The following PLD4 variants were observed in gnomAD, a reference collection of about 807,000 sequenced individuals.
PLD4 encodes the protein 5'-3' exonuclease PLD4.
In PLD4, 54 loss-of-function variants were observed where a neutral mutation model predicts 52.3. The observed-to-expected ratio is 1.03, with a 90% CI of 0.83 to 1.30. The LOEUF is 1.30. Among genes scored for constraint, PLD4 ranks in the 50% most tolerant of loss-of-function variants. PLD4 has a pLI of 0.00. For missense variants in PLD4, 731 were observed against 671.1 expected (o/e 1.09, Z -0.99); for synonymous variants, 264 against 286.5 (o/e 0.92, Z 0.79).
intron 1 of PLD4, 136 bp from the exon 2 acceptor site, chr14:104,927,005 G>A (rs1437002989): frequency 2.0e-5 from 14 of 706,838 alleles, no homozygotes; most frequent in South Asian, 7.6e-5. Context: ...GCGTGACCTC[G>A]GGCATGAGTG....
chr14:104,930,243 C>T, intron 6 of PLD4, 138 bp downstream of exon 6: 1 of 1,175,550 alleles, frequency 8.5e-7, no homozygotes, highest in Non-Finnish European at 1.2e-6. Flanking sequence ...GTAGAAACAA[C>T]CGGAGACTGG....
intron 3 of PLD4, 63 bp downstream of exon 3, chr14:104,927,929 T>C: frequency 6.9e-7 from 1 of 1,449,008 alleles, no homozygotes; most frequent in Non-Finnish European, 9.1e-7. Context: ...CCTGTGTTTC[T>C]GCCCTTGGAT....
At position 104,932,422 on chromosome 14, in the gene PLD4, CT is replaced by C. The variant is rs1897687140; in HGVS notation, c.1321+70del. Reference sequence around the variant, plus strand: ...CAGGCACGGGCGAGGGAGGCACTGGCTTTGTGACCGGCGTGGACACCTCAGG... The same window carrying C: ...CAGGCACGGGCGAGGGAGGCACTGGCTTGTGACCGGCGTGGACACCTCAGG... On this transcript the variant is annotated intron_variant, in intron 10 of 10. Transcript: ENST00000392593. This position sits in a 1 kb window ranked among gnomAD's most constrained non-coding sequence, Gnocchi z 6.5. 1 of 1,530,774 alleles carries C rather than the reference CT, an allele frequency of 6.5e-7. No individual in the cohort carries two copies. Among genetic ancestry groups the C allele is most frequent in the Admixed American group, 1.7e-5 (1 of 59,332 alleles). The allele number at this position is 1,530,774 out of a possible 1,614,324, so 94.8% of individuals were successfully genotyped here.
At position 104,929,010 on chromosome 14, in the gene PLD4, C is replaced by T. The variant is rs527713664; in HGVS notation, c.468+78C>T. The T allele has an allele frequency of 2.5e-5, 38 of 1,495,430 alleles. No individual in the cohort carries two copies. In the African/African-American group the frequency reaches 2.9e-4, roughly 11 times the overall value. 92.6% of individuals were successfully genotyped at this position (1,495,430 alleles called of 1,614,324 possible). A position where few individuals can be genotyped will look rare whatever the true frequency, so the allele number is the denominator to read the frequency against. ...AGGCTGCCTATCTATGCAGGCGTCT[C>T]GGGCACCAGGCCCGGGGGCTCAGCT... On this transcript the variant is annotated intron_variant, in intron 4 of 10. Transcript: ENST00000392593.
intron 1 of PLD4, among the ~76,000 whole-genome samples, chr14:104,926,493 C>A (rs1347536199): frequency 2.0e-5 from 3 of 152,264 alleles, no homozygotes; most frequent in East Asian, 1.9e-4. Flanking sequence ...CAGAGGACAA[C>A]CCCCTCTGCC....
rs763883111 is a variant in PLD4 at position 104,932,063 on chromosome 14, C to T, written c.1110C>T (p.Gly370=). Reference sequence around the variant, plus strand: ...TGCGGGCGGCAGCCTTCGGCAAGGGCGTGCGCGTGCGCCTGCTGGTCGGCT... The same window carrying T: ...TGCGGGCGGCAGCCTTCGGCAAGGGTGTGCGCGTGCGCCTGCTGGTCGGCT... ...NALRAAAFGK[G]VRVRLLVGCG... is the part of the protein sequence containing the mutation. The change falls in exon 9 of 11, where the codon GGC becomes GGT. Residue 370 remains glycine (G), a synonymous_variant. Coordinates refer to ENST00000392593, the MANE Select transcript of PLD4 (RefSeq NM_138790.5). This position sits in a 1 kb window ranked among gnomAD's most constrained non-coding sequence, Gnocchi z 6.5. 1.2e-6 allele frequency: 2 copies of T among 1,608,248 alleles called. No homozygotes were observed.
At chr14:104,929,109 G>T in intron 4 of PLD4, 177 bp downstream of exon 4, 1 of 1,185,848 alleles carries the variant, frequency 8.4e-7, no homozygotes. Flanking sequence ...GTGTCAAGGA[G>T]CTGGGCCTCT....
At position 104,932,232 on chromosome 14, in the gene PLD4, C is replaced by T; in HGVS notation, c.1225-27C>T. The T allele has an allele frequency of 1.2e-6, 2 of 1,612,576 alleles. No individual in the cohort carries two copies. Among genetic ancestry groups the T allele is most frequent in the Non-Finnish European group, 1.7e-6 (2 of 1,179,756 alleles). Reference sequence around the variant, plus strand: ...AAAGGCGGCCCTCCTGCCGCCCTTCCTGACGCGCTGCCTCTGCTCCCCTAA... The same window carrying T: ...AAAGGCGGCCCTCCTGCCGCCCTTCTTGACGCGCTGCCTCTGCTCCCCTAA... On this transcript the variant is annotated intron_variant, in intron 9 of 10. Coordinates refer to ENST00000392593, the MANE Select transcript of PLD4 (RefSeq NM_138790.5). The surrounding 1 kb of genome is among the most constrained non-coding windows in gnomAD (Gnocchi z 6.5).
chr14:104,933,083 G>T lies in PLD4; in HGVS notation c.*119G>T. The T allele has an allele frequency of 8.3e-7, 1 of 1,200,810 alleles. No homozygotes were observed. The highest frequency in any genetic ancestry group is 1.7e-5 in the South Asian group (1 of 58,068). The allele number at this position is 1,200,810 out of a possible 1,614,324, so 74.4% of individuals were successfully genotyped here. A position where few individuals can be genotyped will look rare whatever the true frequency, so the allele number is the denominator to read the frequency against. On this transcript the variant is annotated 3_prime_UTR_variant, in exon 11 of 11. Coordinates refer to ENST00000392593, the MANE Select transcript of PLD4 (RefSeq NM_138790.5). ...CCGGGTCCGCACTGCGCCAGGAGCCGCCTGCGACCGCCCGGGCGTCGCAAA... is the reference window on the plus strand; with the variant it reads ...CCGGGTCCGCACTGCGCCAGGAGCCTCCTGCGACCGCCCGGGCGTCGCAAA...
chr14:104,930,744 G>A lies in PLD4; in HGVS notation c.720G>A (p.Val240=), dbSNP rs1897614625. 1.2e-6 allele frequency: 2 copies of A among 1,613,068 alleles called. No homozygotes were observed. The highest frequency in any genetic ancestry group is 3.3e-5 in the Admixed American group (2 of 60,012). The change falls in exon 7 of 11, where the codon GTG becomes GTA. Residue 240 remains valine, a splice_region_variant and synonymous_variant. Coordinates refer to ENST00000392593, the MANE Select transcript of PLD4 (RefSeq NM_138790.5). ...GCGCCTGACTTTGGTCCCTGCAGGT[G>A]AAGGAGCTTGGCGCTGTCATCTATA... is the stretch of plus-strand genomic sequence containing the variant. ...ANMDWRSLTQ[V]KELGAVIYNC...
In PLD4 at chr14:104,930,903, C is replaced by T. The variant is rs893890900; in HGVS notation, c.879C>T (p.His293=). ...SSHFNRFQPF[H]GLFDGVPTTA... is the part of the protein sequence containing the mutation. ...ACTTCAACCGTTTCCAGCCCTTCCA[C>T]GGCCTCTTTGATGGGGTGCCCACCA... Residue 293 remains histidine (H), a synonymous_variant, in exon 7 of 11, where the codon CAC becomes CAT. Transcript: ENST00000392593. The T allele has an allele frequency of 8.7e-6, 14 of 1,613,390 alleles. No individual in the cohort carries two copies. Among genetic ancestry groups the T allele is most frequent in the East Asian group, 4.5e-5 (2 of 44,902 alleles).
chr14:104,926,497 C>G (rs1241579483), intron 1 of PLD4, among the ~76,000 whole-genome samples: 1 of 152,182 alleles, frequency 6.6e-6, no homozygotes, highest in Non-Finnish European at 1.5e-5. Context: ...GGACAACCCC[C>G]TCTGCCAGCA....
rs749199589 is a variant in PLD4 at position 104,932,192 on chromosome 14, C to T, written c.1224+15C>T. On this transcript the variant is annotated intron_variant, in intron 9 of 10. Transcript: ENST00000392593. The surrounding 1 kb of genome is among the most constrained non-coding windows in gnomAD (Gnocchi z 6.5). ...CTGTGGACGTGGTGAGGGCGTGCTC[C>T]CGGCCGGGCGTGGGAAAGGCGGCCC... is the stretch of plus-strand genomic sequence containing the variant. The T allele has an allele frequency of 1.9e-6, 3 of 1,611,874 alleles. No homozygotes were observed. The highest frequency in any genetic ancestry group is 2.2e-5 in the East Asian group (1 of 44,868).
At chr14:104,934,954 G>C (rs1036780513), downstream of PLD4, 2 of 152,260 alleles carry the variant, frequency 1.3e-5, no homozygotes, top group African/African-American at 4.8e-5. Flanking sequence ...CAGGGGGATA[G>C]GGATCCACAT....
At chr14:104,935,688 C>T (rs1318288283), downstream of PLD4, 1 of 152,220 alleles carries the variant, frequency 6.6e-6, no homozygotes, top group Non-Finnish European at 1.5e-5. Context: ...AGCAGTCTAT[C>T]CCTTGCTAGC....
intron 6 of PLD4, among the ~76,000 whole-genome samples, 161 bp downstream of exon 6, chr14:104,930,266 T>C (rs561233587): frequency 1.2e-4 from 18 of 152,322 alleles, no homozygotes; most frequent in Non-Finnish European, 2.4e-4. Context: ...TAATAAATGA[T>C]AGAATTCTAC....
intron 6 of PLD4, 27 bp downstream of exon 6, chr14:104,930,132 G>T (rs369734007): frequency 1.2e-6 from 2 of 1,611,508 alleles, no homozygotes. Context: ...TAACACAGGA[G>T]GCCTGCCTGA....
Position 104,933,073 on chromosome 14 carries a change from G to A in PLD4, c.*109G>A, listed in dbSNP as rs922284440. 9.5e-6 allele frequency: 12 copies of A among 1,268,474 alleles called. No homozygotes were observed. Among genetic ancestry groups the A allele is most frequent in the Non-Finnish European group, 1.2e-5 (12 of 964,806 alleles). 78.6% of individuals were successfully genotyped at this position (1,268,474 alleles called of 1,614,324 possible). ...CGCAAGCAGCCCGGGTCCGCACTGCGCCAGGAGCCGCCTGCGACCGCCCGG... is the reference window on the plus strand; with the variant it reads ...CGCAAGCAGCCCGGGTCCGCACTGCACCAGGAGCCGCCTGCGACCGCCCGG... On this transcript the variant is annotated 3_prime_UTR_variant, in exon 11 of 11. Coordinates refer to ENST00000392593, the MANE Select transcript of PLD4 (RefSeq NM_138790.5).
downstream of PLD4, chr14:104,935,245 C>T (rs1315935090): frequency 6.6e-6 from 1 of 152,296 alleles, no homozygotes; most frequent in Admixed American, 6.5e-5. Flanking sequence ...AGCACTTGGC[C>T]TGCTCTCTTG....
Sources: gnomAD v4.1 joint callset for allele counts (sites outside exome capture counted in the v4.1 genomes callset) on GRCh38, gnomAD v4.1.1 for gene constraint, Gnocchi (gnomAD v3.1) non-coding constraint, MANE v1.5 for transcripts, NCBI Gene and HGNC (gene_info 2026-07-23, HGNC 2026-07-21) for gene names.